MAP3K4: variants seen among roughly 807,000 people sequenced by gnomAD.
MAP3K4 encodes the protein mitogen-activated protein kinase kinase kinase 4, also known as MAP three kinase 1.
MAP3K4 carries 67 observed loss-of-function variants against 185.6 expected under a neutral mutation model. The observed-to-expected ratio is 0.36, with a 90% CI of 0.30 to 0.44. The LOEUF (loss-of-function observed/expected upper bound fraction) is 0.44, where lower values mean the gene tolerates loss of function less well. Ranked by LOEUF, MAP3K4 falls within the 20% of genes least tolerant of loss-of-function variation. MAP3K4 has a pLI of 1.00. For missense variants in MAP3K4, 1,551 were observed against 1,995.1 expected (o/e 0.78, Z 4.24); for synonymous variants, 702 against 710.4 (o/e 0.99, Z 0.19).
In MAP3K4 at chr6:161,115,093, A is replaced by T. The variant is rs1268436899; in HGVS notation, c.4627-30A>T. ...GTTGTTTGTGGCTGTGTAATATTAA[A>T]ATCTGATTTTTTAAAAACATCTTTT... On this transcript the variant is annotated intron_variant, in intron 25 of 26. Coordinates refer to ENST00000392142, the MANE Select transcript of MAP3K4 (RefSeq NM_005922.4). This position sits in a 1 kb window ranked among gnomAD's most constrained non-coding sequence, Gnocchi z 6.0. 1.3e-6 allele frequency: 2 copies of T among 1,580,572 alleles called. No individual in the cohort carries two copies. Among genetic ancestry groups the T allele is most frequent in the African/African-American group, 2.7e-5 (2 of 73,768 alleles).
chr6:161,039,634 A>G (rs1783351542), intron 2 of MAP3K4, among the ~76,000 whole-genome samples: 1 of 152,228 alleles, frequency 6.6e-6, no homozygotes, highest in Non-Finnish European at 1.5e-5. Context: ...ATTACCAGTG[A>G]CATGTTAGAA....
At chr6:160,992,467 C>T (rs769027516) in intron 1 of MAP3K4, 6 of 247,410 alleles carry the variant, frequency 2.4e-5, no homozygotes, top group African/African-American at 6.8e-5. Context: ...GTGGTCCCTC[C>T]CCTCTGCCCT....
rs542231862 is a variant in MAP3K4, at chr6:161,039,845, C to T, written c.343+5396C>T. 5.3e-5 allele frequency among the ~76,000 whole-genome samples: 8 copies of T among 152,274 alleles called. No homozygotes were observed. In the East Asian group the frequency reaches 7.7e-4, roughly 15 times the overall value. On this transcript the variant is annotated intron_variant, in intron 2 of 26. Transcript: ENST00000392142. ...TTAGTAATAGGTGGAGGCCATTGTTCTGTGTAAGGACATTTAAAGTAAGGT... is the reference window on the plus strand; with the variant it reads ...TTAGTAATAGGTGGAGGCCATTGTTTTGTGTAAGGACATTTAAAGTAAGGT...
At chr6:161,000,753 C>A (rs1781231584) in intron 1 of MAP3K4, among the ~76,000 whole-genome samples, 1 of 151,256 alleles carries the variant, frequency 6.6e-6, no homozygotes, top group Non-Finnish European at 1.5e-5. Flanking sequence ...ATGTGTACAC[C>A]CATCTGTATA....
At chr6:161,081,137 A>C (rs1165798646) in intron 6 of MAP3K4, 99 bp downstream of exon 6, 3 of 1,336,968 alleles carry the variant, frequency 2.2e-6, no homozygotes, top group South Asian at 1.4e-5. Context: ...GTTTAGTTAC[A>C]TGAAAATTGC....
intron 23 of MAP3K4, among the ~76,000 whole-genome samples, chr6:161,111,620 A>G (rs1778354059): frequency 1.3e-5 from 2 of 152,226 alleles, no homozygotes; most frequent in African/African-American, 4.8e-5. Context: ...TTATTGGTCA[A>G]GGCTACCTGC....
chr6:160,997,605 G>C (rs987516117), intron 1 of MAP3K4, among the ~76,000 whole-genome samples: 1 of 151,978 alleles, frequency 6.6e-6, no homozygotes, highest in Non-Finnish European at 1.5e-5. Flanking sequence ...AGAACAAACA[G>C]ACTATGAAAC....
chr6:161,088,564 G>A lies in MAP3K4; in HGVS notation c.2823+610G>A, dbSNP rs563311206. 2.6e-5 allele frequency among the ~76,000 whole-genome samples: 4 copies of A among 152,122 alleles called. No individual in the cohort carries two copies. Among genetic ancestry groups the A allele is most frequent in the Non-Finnish European group, 4.4e-5 (3 of 68,034 alleles). ...ATATTCCGTCTCAGTGAATGGTTCCGCGTTCACTCACATGTTTAAACCAGA... is the reference window on the plus strand; with the variant it reads ...ATATTCCGTCTCAGTGAATGGTTCCACGTTCACTCACATGTTTAAACCAGA... On this transcript the variant is annotated intron_variant, in intron 10 of 26. Coordinates refer to ENST00000392142, the MANE Select transcript of MAP3K4 (RefSeq NM_005922.4). The surrounding 1 kb of genome is among the most constrained non-coding windows in gnomAD (Gnocchi z 4.5).
chr6:161,026,538 C>T (rs1782669882), intron 1 of MAP3K4, among the ~76,000 whole-genome samples: 1 of 152,136 alleles, frequency 6.6e-6, no homozygotes, highest in Non-Finnish European at 1.5e-5. Flanking sequence ...TATATAGACA[C>T]ACTCACACAA....
In MAP3K4 at chr6:161,049,847, T is replaced by G. The variant is rs1378433444; in HGVS notation, c.1575T>G (p.Ile525Met). 6.2e-7 allele frequency: 1 copy of G among 1,614,108 alleles called. No individual in the cohort carries two copies. The highest frequency in any genetic ancestry group is 1.3e-5 in the African/African-American group (1 of 75,020). The change falls in exon 3 of 27, where the codon ATT becomes ATG. Residue 525 changes from isoleucine to methionine, a missense_variant. By Grantham distance (10) the Ile-to-Met change is conservative. Coordinates refer to ENST00000392142, the MANE Select transcript of MAP3K4 (RefSeq NM_005922.4). The surrounding 1 kb of genome is among the most constrained non-coding windows in gnomAD (Gnocchi z 8.4). Reference sequence around the variant, plus strand: ...TTAGTAGACATTGTCTGACTTCTATTTATAGACCATTTGTAGACAAAGCAC... The same window carrying G: ...TTAGTAGACATTGTCTGACTTCTATGTATAGACCATTTGTAGACAAAGCAC... ...AGFSRHCLTS[I>M]YRPFVDKALK...
In MAP3K4 at chr6:161,108,598, C is replaced by A; in HGVS notation, c.4120-145C>A. The A allele has an allele frequency of 1.6e-6, 1 of 633,418 alleles. No homozygotes were observed. Among genetic ancestry groups the A allele is most frequent in the Non-Finnish European group, 2.8e-6 (1 of 356,338 alleles). 39.2% of individuals were successfully genotyped at this position (633,418 alleles called of 1,614,324 possible). On this transcript the variant is annotated intron_variant, in intron 21 of 26. Coordinates refer to ENST00000392142, the MANE Select transcript of MAP3K4 (RefSeq NM_005922.4). The surrounding 1 kb of genome is among the most constrained non-coding windows in gnomAD (Gnocchi z 5.7). ...TTCACTCTAGCTTGGCTAAAAACTT[C>A]CTTTTTACTTAATTTTTTGTTGTTT...
intron 3 of MAP3K4, among the ~76,000 whole-genome samples, chr6:161,052,176 A>G (rs1429632689): frequency 5.1e-5 from 7 of 136,476 alleles, no homozygotes; most frequent in East Asian, 2.5e-4. Context: ...TCCCTCCCCA[A>G]ATTGTCTTCC....
rs1562464607 is a variant in MAP3K4 at position 160,992,024 on chromosome 6, G to A, written c.93G>A (p.Pro31=). Residue 31 remains proline (P), a synonymous_variant, in exon 1 of 27, where the codon CCG becomes CCA. Coordinates refer to ENST00000392142, the MANE Select transcript of MAP3K4 (RefSeq NM_005922.4). ...AGGAGCCGCCGCCACCGCCGCCGCCGCCACCACCGCCACCGGAACCCGAGA... is the reference window on the plus strand; with the variant it reads ...AGGAGCCGCCGCCACCGCCGCCGCCACCACCACCGCCACCGGAACCCGAGA... ...AMEEPPPPPP[P]PPPPPEPETE... 2.6e-6 allele frequency: 4 copies of A among 1,556,840 alleles called. No individual in the cohort carries two copies. Among genetic ancestry groups the A allele is most frequent in the African/African-American group, 1.4e-5 (1 of 72,116 alleles).
chr6:161,010,709 GTTTA>G (rs1781805812), intron 1 of MAP3K4, among the ~76,000 whole-genome samples: 3 of 152,152 alleles, frequency 2.0e-5, no homozygotes, highest in Non-Finnish European at 2.9e-5. Context: ...AACACTAATA[GTTTA>G]TTTAAGAAGT....
In MAP3K4 at chr6:161,100,910, A is replaced by C. The variant is rs902314793; in HGVS notation, c.3675-982A>C. ...AAATGTCCCCATCACTTCAGACTTA[A>C]CAAGTGCTATACTAGATTTGAGGGC... On this transcript the variant is annotated intron_variant, in intron 17 of 26. Coordinates refer to ENST00000392142, the MANE Select transcript of MAP3K4 (RefSeq NM_005922.4). This position sits in a 1 kb window ranked among gnomAD's most constrained non-coding sequence, Gnocchi z 5.8. 6.6e-6 allele frequency: 1 copy of C among 152,142 alleles called. No homozygotes were observed. Among genetic ancestry groups the C allele is most frequent in the African/African-American group, 2.4e-5 (1 of 41,442 alleles). The allele number at this position is 152,142 out of a possible 1,614,324, so 9.4% of individuals were successfully genotyped here. A position where few individuals can be genotyped will look rare whatever the true frequency, so the allele number is the denominator to read the frequency against.
Position 161,098,725 on chromosome 6 carries a change from G to A in MAP3K4, c.3674+298G>A, listed in dbSNP as rs1305059204. Among the ~76,000 whole-genome samples the A allele has an allele frequency of 1.3e-5, 2 of 152,218 alleles. 1 individual carries two copies. Among genetic ancestry groups the A allele is most frequent in the African/African-American group, 4.8e-5 (2 of 41,466 alleles). ...AGGAAAGGACTGGTCCACAACAGAA[G>A]GGGACATGAGCATTTTGCCTCACAG... On this transcript the variant is annotated intron_variant, in intron 17 of 26. Transcript: ENST00000392142. This position sits in a 1 kb window ranked among gnomAD's most constrained non-coding sequence, Gnocchi z 4.4.
chr6:160,991,790 A>G lies in MAP3K4; in HGVS notation c.-142A>G, dbSNP rs1780701927. 4.1e-6 allele frequency: 4 copies of G among 984,560 alleles called. No individual in the cohort carries two copies. The East Asian group carries it at 1.3e-4, about 33-fold the overall frequency. The allele number at this position is 984,560 out of a possible 1,614,324, so 61.0% of individuals were successfully genotyped here. A position where few individuals can be genotyped will look rare whatever the true frequency, so the allele number is the denominator to read the frequency against. ...CGGCGCTCGGCCGGTCGCCGTTTCC[A>G]AGATGGCCGCGGCGCGCACGGCTCC... On this transcript the variant is annotated 5_prime_UTR_variant, in exon 1 of 27. Transcript: ENST00000392142. The surrounding 1 kb of genome is among the most constrained non-coding windows in gnomAD (Gnocchi z 5.7).
chr6:161,031,656 A>T (rs1782935344), intron 1 of MAP3K4, among the ~76,000 whole-genome samples: 1 of 152,162 alleles, frequency 6.6e-6, no homozygotes, highest in African/African-American at 2.4e-5. Context: ...CATCATCCAC[A>T]CAGTACTGCT....
Position 161,116,120 on chromosome 6 carries a change from A to G in MAP3K4, c.4807-730A>G, listed in dbSNP as rs1009819214. ...GATGTGAAAGGTGAGTGAGGGGAGG[A>G]GTCTAGAGTGGCTCCCAGGTTTCTG... On this transcript the variant is annotated intron_variant, in intron 26 of 26. Transcript: ENST00000392142. This position sits in a 1 kb window ranked among gnomAD's most constrained non-coding sequence, Gnocchi z 6.2. 6.6e-6 allele frequency among the ~76,000 whole-genome samples: 1 copy of G among 151,082 alleles called. No homozygotes were observed. The highest frequency in any genetic ancestry group is 2.4e-5 in the African/African-American group (1 of 41,038).
Sources: gnomAD v4.1 joint callset for allele counts (sites outside exome capture counted in the v4.1 genomes callset) on GRCh38, gnomAD v4.1.1 for gene constraint, Gnocchi (gnomAD v3.1) non-coding constraint, MANE v1.5 for transcripts, NCBI Gene and HGNC (gene_info 2026-07-23, HGNC 2026-07-21) for gene names.